C2orf76: variants seen among roughly 807,000 people sequenced by gnomAD.
The protein encoded by C2orf76 is UPF0538 protein C2orf76.
In C2orf76, 23 loss-of-function variants were observed where a neutral mutation model predicts 16.9. That is an observed-to-expected ratio of 1.36 (90% confidence interval 0.98 to 1.93). The LOEUF is 1.93. Ranked by LOEUF, C2orf76 falls within the 30% of genes most tolerant of loss-of-function variation. The pLI, the probability that C2orf76 is intolerant of heterozygous loss-of-function variation, is 0.00. For missense variants in C2orf76, 152 were observed against 152.6 expected (o/e 1.00, Z 0.02); for synonymous variants, 48 against 52.3 (o/e 0.92, Z 0.35).
chr2:119,307,519 A>G (rs758506671), intron 5 of C2orf76, among the ~76,000 whole-genome samples: 2 of 151,782 alleles, frequency 1.3e-5, no homozygotes, highest in Non-Finnish European at 2.9e-5. Flanking sequence ...CTCTCCAGGT[A>G]CCCTCATCTC....
In C2orf76 at chr2:119,339,921, G is replaced by A; in HGVS notation, c.39C>T (p.Ile13=). The A allele has an allele frequency of 1.9e-6, 3 of 1,613,024 alleles. No homozygotes were observed. Among genetic ancestry groups the A allele is most frequent in the Non-Finnish European group, 2.5e-6 (3 of 1,179,048 alleles). Residue 13 remains isoleucine, a synonymous_variant, in exon 2 of 6, where the codon ATC becomes ATT. Transcript: ENST00000334816. The stretch of plus-strand genomic sequence containing the variant: ...TGAAATTGCGATGTTCAAAGGAACG[G>A]ATGAGGCGAACTGTGATGGTCACTT... ...PGEVTITVRL[I]RSFEHRNFKP...
At chr2:119,350,356 A>C (rs1680359574) in intron 1 of C2orf76, among the ~76,000 whole-genome samples, 1 of 152,186 alleles carries the variant, frequency 6.6e-6, no homozygotes, top group African/African-American at 2.4e-5. Flanking sequence ...CATAAGACCC[A>C]GGTGGTGCTT....
intron 1 of C2orf76, among the ~76,000 whole-genome samples, chr2:119,343,444 C>T (rs981082319): frequency 1.3e-5 from 2 of 149,506 alleles, no homozygotes; most frequent in East Asian, 3.9e-4. Context: ...AAAAGCCCTC[C>T]CATACACACG....
chr2:119,341,828 C>A (rs1680040386), intron 1 of C2orf76, among the ~76,000 whole-genome samples: 1 of 152,160 alleles, frequency 6.6e-6, no homozygotes, highest in African/African-American at 2.4e-5. Flanking sequence ...TATCACTCAT[C>A]TAACTGATAA....
At chr2:119,329,739 A>G (rs1679614092) in intron 2 of C2orf76, among the ~76,000 whole-genome samples, 2 of 152,108 alleles carry the variant, frequency 1.3e-5, no homozygotes. Context: ...GTAATAGCAA[A>G]AGATTCTTCC....
chr2:119,314,127 T>C lies in C2orf76; in HGVS notation c.223-2424A>G, dbSNP rs557596069. Among the ~76,000 whole-genome samples the C allele has an allele frequency of 1.1e-4, 17 of 152,006 alleles. No homozygotes were observed. The East Asian group carries it at 3.3e-3, about 29-fold the overall frequency. On this transcript the variant is annotated intron_variant, in intron 4 of 5. Coordinates refer to ENST00000334816, the MANE Select transcript of C2orf76 (RefSeq NM_001322331.2). ...AATCTCATATCGTTTCTCAGTTTTC[T>C]GTCATATTTAGAAAGCCCTTCTTCA... is the stretch of plus-strand genomic sequence containing the variant.
chr2:119,298,183 G>A (rs1357480379), downstream of C2orf76, among the ~76,000 whole-genome samples: 1 of 152,120 alleles, frequency 6.6e-6, no homozygotes, highest in African/African-American at 2.4e-5. Context: ...TTTTCAGAAG[G>A]CCTTCTCTAC....
intron 2 of C2orf76, among the ~76,000 whole-genome samples, chr2:119,332,966 C>T (rs945084085): frequency 6.6e-6 from 1 of 152,224 alleles, no homozygotes; most frequent in Non-Finnish European, 1.5e-5. Context: ...CTCCTGCATT[C>T]AAGTGATCCT....
chr2:119,281,623 G>C, the C2orf76 span, among the ~76,000 whole-genome samples: 2 of 152,260 alleles, frequency 1.3e-5, no homozygotes, highest in African/African-American at 4.8e-5. Context: ...CTATATAAGC[G>C]TTTGCTAAAT....
At chr2:119,352,548 A>G (rs1181097365) in intron 1 of C2orf76, among the ~76,000 whole-genome samples, 2 of 152,202 alleles carry the variant, frequency 1.3e-5, no homozygotes, top group Non-Finnish European at 2.9e-5. Flanking sequence ...ATGTCAAAAT[A>G]AGGCAAAAGC....
chr2:119,281,678 A>G, the C2orf76 span, among the ~76,000 whole-genome samples: 2 of 152,186 alleles, frequency 1.3e-5, no homozygotes, highest in Admixed American at 1.3e-4. Flanking sequence ...TGGCTATAAG[A>G]CCTTAAAGCA....
intron 4 of C2orf76, among the ~76,000 whole-genome samples, chr2:119,314,799 C>T (rs1221141368): frequency 1.3e-5 from 2 of 152,092 alleles, no homozygotes; most frequent in African/African-American, 4.8e-5. Flanking sequence ...ACTGATTTTA[C>T]GCTGTTGTAT....
intron 1 of C2orf76, among the ~76,000 whole-genome samples, chr2:119,353,951 G>A (rs1680486305): frequency 6.6e-6 from 1 of 152,134 alleles, no homozygotes. Flanking sequence ...AATTAAATAG[G>A]AGGAATCAGT....
chr2:119,352,288 A>G (rs186671040), intron 1 of C2orf76, among the ~76,000 whole-genome samples: 49 of 152,380 alleles, frequency 3.2e-4, no homozygotes, highest in Admixed American at 1.6e-3. Context: ...CACTTGTCAT[A>G]TATCAACTTT....
At chr2:119,295,140 C>T in the C2orf76 span, among the ~76,000 whole-genome samples, 8 of 152,180 alleles carry the variant, frequency 5.3e-5, no homozygotes, top group East Asian at 5.8e-4. Flanking sequence ...GAGACAGAGA[C>T]GACAAGAAAG....
intron 5 of C2orf76, among the ~76,000 whole-genome samples, chr2:119,310,575 G>T (rs548277877): frequency 6.6e-6 from 1 of 152,240 alleles, no homozygotes; most frequent in South Asian, 2.1e-4. Context: ...GGCTCCCAAT[G>T]TGCACCTCAC....
At chr2:119,321,999 A>G (rs957207280) in intron 2 of C2orf76, among the ~76,000 whole-genome samples, 2 of 151,226 alleles carry the variant, frequency 1.3e-5, no homozygotes, top group African/African-American at 4.8e-5. Context: ...AACTCCTCTA[A>G]CTCCTCAAAG....
intron 2 of C2orf76, among the ~76,000 whole-genome samples, chr2:119,332,063 C>A (rs1481896922): frequency 6.6e-6 from 1 of 152,050 alleles, no homozygotes; most frequent in Non-Finnish European, 1.5e-5. Context: ...AAATATACTA[C>A]TGAAAATTAC....
intron 1 of C2orf76, among the ~76,000 whole-genome samples, chr2:119,354,872 T>A (rs1276327614): frequency 2.0e-5 from 3 of 152,254 alleles, no homozygotes; most frequent in African/African-American, 7.2e-5. Context: ...TTCTCCATGC[T>A]GTAACTGCTT....
Sources: allele counts gnomAD v4.1 joint callset (sites outside exome capture counted in the v4.1 genomes callset), GRCh38; gene constraint gnomAD v4.1.1; transcripts MANE v1.5; gene names NCBI Gene and HGNC (gene_info 2026-07-23, HGNC 2026-07-21).